The following FRMPD4 variants were observed in gnomAD, a reference collection of about 807,000 sequenced individuals.
The protein encoded by FRMPD4 is FERM and PDZ domain-containing protein 4.
In FRMPD4, 22 loss-of-function variants were observed where a neutral mutation model predicts 94.1. The observed-to-expected ratio is 0.23, with a 90% confidence interval of 0.17 to 0.33. The LOEUF (loss-of-function observed/expected upper bound fraction) is 0.33, where lower values mean the gene tolerates loss of function less well. FRMPD4 is among the 10% of genes least tolerant of loss of function. The probability of loss-of-function intolerance (pLI) is 1.00; values close to 1 mark genes in which losing one functional copy is unlikely to be tolerated. For missense variants in FRMPD4, 1,111 were observed against 1,339.9 expected, an observed-to-expected ratio of 0.83 and a Z score of 2.67; for synonymous variants, 631 against 548.6, an observed-to-expected ratio of 1.15 and a Z score of -2.10.
intron 3 of FRMPD4, among the ~76,000 whole-genome samples, chrX:12,613,007 C>A (rs768776820): frequency 2.7e-5 from 3 of 111,893 alleles, no homozygotes; most frequent in African/African-American, 9.7e-5. Flanking sequence ...GGGTAGAGAA[C>A]AACTGAATTA....
intron 3 of FRMPD4, among the ~76,000 whole-genome samples, chrX:11,884,627 T>A (rs937722020): frequency 2.7e-5 from 3 of 111,025 alleles, no homozygotes; most frequent in African/African-American, 9.9e-5. Flanking sequence ...ATAATATGAA[T>A]ATATATATAT....
At chrX:12,216,505 C>A (rs2056808683) in intron 1 of FRMPD4, among the ~76,000 whole-genome samples, 2 of 111,782 alleles carry the variant, frequency 1.8e-5, no homozygotes, top group South Asian at 7.5e-4. Context: ...ACAGGCCATA[C>A]CTATCACCAA....
intron 1 of FRMPD4, among the ~76,000 whole-genome samples, chrX:11,841,243 G>C (rs2053534589): frequency 9.1e-6 from 1 of 109,576 alleles, no homozygotes; most frequent in Non-Finnish European, 1.9e-5. Flanking sequence ...ATGATTTATA[G>C]TCCTTTGGGT....
intron 1 of FRMPD4, among the ~76,000 whole-genome samples, chrX:12,430,378 C>A (rs2056997827): frequency 8.9e-6 from 1 of 112,285 alleles, no homozygotes. Flanking sequence ...TGGCAGGTAG[C>A]CCTGCCTTCT....
At chrX:12,537,865 A>C (rs1220964798) in intron 2 of FRMPD4, among the ~76,000 whole-genome samples, 1 of 111,376 alleles carries the variant, frequency 9.0e-6, no homozygotes, top group Non-Finnish European at 1.9e-5. Context: ...CAAACTTATA[A>C]ATATGGTGAA....
rs60602906 is a variant in FRMPD4, at chrX:12,382,530, G to GCATAGCATAGCATAGCATAGCAT, written c.42-116150_42-116149insCATAGCATAGCATAGCATAGCAT. Among the ~76,000 whole-genome samples the GCATAGCATAGCATAGCATAGCAT allele has an allele frequency of 3.1e-4, 14 of 45,589 alleles. 1 individual carries two copies. Among genetic ancestry groups the GCATAGCATAGCATAGCATAGCAT allele is most frequent in the African/African-American group, 1.3e-3 (11 of 8,665 alleles). 39.6% of individuals were successfully genotyped at this position (45,589 alleles called of 115,157 possible). A position where few individuals can be genotyped will look rare whatever the true frequency, so the allele number is the denominator to read the frequency against. On this transcript the variant is annotated intron_variant, in intron 1 of 16. Coordinates refer to ENST00000675598, the MANE Select transcript of FRMPD4 (RefSeq NM_001368397.1). ...GCATAGCATAGCATAGCATAGCATAGAGCATAGCATAGCATAGCATAGCAT... is the reference window on the plus strand; with the variant it reads ...GCATAGCATAGCATAGCATAGCATAGCATAGCATAGCATAGCATAGCATAGCATAGCATAGCATAGCATAGCAT...
At chrX:12,056,005 A>G (rs2054852297) in intron 3 of FRMPD4, among the ~76,000 whole-genome samples, 1 of 111,986 alleles carries the variant, frequency 8.9e-6, no homozygotes, top group Non-Finnish European at 1.9e-5. Context: ...CTCCCCAAGT[A>G]TTATCTTCTG....
intron 3 of FRMPD4, among the ~76,000 whole-genome samples, chrX:11,951,968 C>G (rs1424577279): frequency 8.9e-6 from 1 of 112,075 alleles, no homozygotes; most frequent in Admixed American, 9.4e-5. Flanking sequence ...CCTGGGAGGT[C>G]AAGGCTGCAG....
At chrX:12,566,400 T>C (rs987819238) in intron 2 of FRMPD4, among the ~76,000 whole-genome samples, 1 of 111,688 alleles carries the variant, frequency 9.0e-6, no homozygotes, top group Non-Finnish European at 1.9e-5. Context: ...GTTTTCTGTA[T>C]ATCATTTCTG....
At chrX:12,249,096 G>C (rs141734732) in intron 1 of FRMPD4, among the ~76,000 whole-genome samples, 4 of 112,714 alleles carry the variant, frequency 3.5e-5, no homozygotes, top group African/African-American at 1.3e-4. Context: ...ACTTTTAAGC[G>C]TACAAGATTA....
intron 2 of FRMPD4, among the ~76,000 whole-genome samples, chrX:12,563,575 C>T (rs2058680015): frequency 1.8e-5 from 2 of 112,247 alleles, no homozygotes; most frequent in African/African-American, 6.5e-5. Flanking sequence ...CTGCCAAGGG[C>T]TCAGTCTTTA....
intron 1 of FRMPD4, among the ~76,000 whole-genome samples, chrX:12,194,725 C>A (rs2056546540): frequency 8.9e-6 from 1 of 111,928 alleles, no homozygotes; most frequent in Admixed American, 9.5e-5. Flanking sequence ...CTAACAACAA[C>A]AAAGGCATGC....
intron 3 of FRMPD4, among the ~76,000 whole-genome samples, chrX:11,930,653 C>G (rs868398321): frequency 9.0e-6 from 1 of 111,711 alleles, no homozygotes; most frequent in South Asian, 3.8e-4. Flanking sequence ...AACCATGAAG[C>G]TTGTGGGAAT....
chrX:11,960,331 C>A (rs1199176515), intron 3 of FRMPD4, among the ~76,000 whole-genome samples: 1 of 111,650 alleles, frequency 9.0e-6, no homozygotes, highest in Non-Finnish European at 1.9e-5. Flanking sequence ...TGATTGGTTG[C>A]CAGCTCCTTC....
chrX:11,856,121 A>G (rs1448151911), intron 1 of FRMPD4, among the ~76,000 whole-genome samples: 4 of 111,676 alleles, frequency 3.6e-5, no homozygotes, highest in Admixed American at 9.5e-5. Flanking sequence ...AGCCGCTTAT[A>G]AAACCATCAG....
intron 3 of FRMPD4, among the ~76,000 whole-genome samples, chrX:11,914,014 T>C (rs1431651171): frequency 8.9e-6 from 1 of 112,240 alleles, no homozygotes; most frequent in Non-Finnish European, 1.9e-5. Flanking sequence ...AGTGAGAGTT[T>C]CCAATACATC....
chrX:12,701,519 T>G (rs190451823), intron 9 of FRMPD4, among the ~76,000 whole-genome samples: 2 of 111,796 alleles, frequency 1.8e-5, no homozygotes, highest in African/African-American at 6.5e-5. Flanking sequence ...AGATTCCAAT[T>G]CCGGCAGCCT....
chrX:12,424,096 A>G (rs979092077), intron 1 of FRMPD4, among the ~76,000 whole-genome samples: 1 of 112,728 alleles, frequency 8.9e-6, no homozygotes, highest in African/African-American at 3.2e-5. Flanking sequence ...TTTGCACAAA[A>G]GGACCGAAAC....
chrX:12,302,929 G>A (rs372681590), intron 1 of FRMPD4, among the ~76,000 whole-genome samples: 5 of 111,799 alleles, frequency 4.5e-5, no homozygotes, highest in African/African-American at 1.6e-4. Flanking sequence ...GGACACTTAT[G>A]TGCAAAGACC....
Sources: allele counts gnomAD v4.1 joint callset (sites outside exome capture counted in the v4.1 genomes callset), GRCh38; gene constraint gnomAD v4.1.1; transcripts MANE v1.5; gene names NCBI Gene and HGNC (gene_info 2026-07-23, HGNC 2026-07-21).